Variants in RHCE observed in about 807,000 individuals in gnomAD.
RHCE encodes the protein blood group Rh(CE) polypeptide.
In RHCE, 22 loss-of-function variants were observed where a neutral mutation model predicts 43.8. That is an observed-to-expected ratio of 0.50 (90% CI 0.36 to 0.72). The LOEUF (loss-of-function observed/expected upper bound fraction) is 0.72. Among genes scored for constraint, RHCE ranks in the 30% least tolerant of loss-of-function variants. RHCE has a pLI of 0.00. For missense variants in RHCE, 385 were observed against 525.4 expected (o/e 0.73, Z 2.61); for synonymous variants, 156 against 210.7 (o/e 0.74, Z 2.25).
rs1224043671 is a variant in RHCE, at chr1:25,406,264, T to C, written c.335+2419A>G. Among the ~76,000 whole-genome samples, 1,018 of 121,314 alleles carry C rather than the reference T, an allele frequency of 8.4e-3. 117 individuals carry two copies. Among genetic ancestry groups the C allele is most frequent in the African/African-American group, 0.024 (958 of 39,338 alleles). 79.6% of individuals were successfully genotyped at this position (121,314 alleles called of 152,430 possible). ...GTGCGTGCGTGCGTGTGTGTGTGTG[T>C]GTGTGTGTGTGTATTGAATCCCGGT... On this transcript the variant is annotated intron_variant, in intron 2 of 9. Coordinates refer to ENST00000294413, the MANE Select transcript of RHCE (RefSeq NM_020485.8).
chr1:25,383,268 C>T (rs1177391698), intron 7 of RHCE, among the ~76,000 whole-genome samples: 2 of 152,238 alleles, frequency 1.3e-5, no homozygotes, highest in Admixed American at 6.5e-5. Context: ...GACTCAGTCA[C>T]ATATGCTCAT....
chr1:25,383,584 A>G (rs1054380949), intron 7 of RHCE, among the ~76,000 whole-genome samples: 2 of 152,184 alleles, frequency 1.3e-5, no homozygotes, highest in Non-Finnish European at 2.9e-5. Flanking sequence ...AGGCTGCATG[A>G]CTGGCTTCAC....
At chr1:25,392,279 C>G (rs1646396580) in intron 3 of RHCE, 138 bp from the exon 4 acceptor site, 3 of 1,394,464 alleles carry the variant, frequency 2.2e-6, no homozygotes, top group Non-Finnish European at 3.0e-6. Flanking sequence ...CAGAGCTTAC[C>G]CAGCCCAACC....
chr1:25,378,503 G>C (rs1332410602), intron 7 of RHCE, among the ~76,000 whole-genome samples: 5 of 152,270 alleles, frequency 3.3e-5, no homozygotes, highest in East Asian at 1.9e-4. Context: ...TTAGATTCTC[G>C]ATTTGTCTAT....
chr1:25,402,528 G>A (rs1025584391), intron 3 of RHCE, 68 bp downstream of exon 3: 123 of 1,611,260 alleles, frequency 7.6e-5, no homozygotes, highest in Non-Finnish European at 9.6e-5. Context: ...TCAAAACCCC[G>A]GAAGCCCCAC....
At chr1:25,374,479 T>G (rs1412417785) in intron 8 of RHCE, among the ~76,000 whole-genome samples, 2 of 151,752 alleles carry the variant, frequency 1.3e-5, no homozygotes, top group Non-Finnish European at 2.9e-5. Context: ...AACAGAAACA[T>G]ACTTTTCCCC....
intron 3 of RHCE, among the ~76,000 whole-genome samples, chr1:25,392,389 G>A (rs1440672829): frequency 6.6e-6 from 1 of 152,218 alleles, no homozygotes; most frequent in African/African-American, 2.4e-5. Context: ...AGCTTCCCTA[G>A]TAGCTGGGAT....
chr1:25,424,528 T>C (rs1384960246), upstream of RHCE, among the ~76,000 whole-genome samples: 3 of 151,022 alleles, frequency 2.0e-5, no homozygotes, highest in African/African-American at 7.3e-5. Context: ...GCTGGGATTA[T>C]AGGCACGCGA....
In RHCE at chr1:25,384,726, C is replaced by T. The variant is rs190478483; in HGVS notation, c.1073+985G>A. Among the ~76,000 whole-genome samples, 4 of 152,304 alleles carry T rather than the reference C, an allele frequency of 2.6e-5. No individual in the cohort carries two copies. In the East Asian group the frequency reaches 5.8e-4, roughly 22 times the overall value. ...GCGCCTCCATGATTTCTCTGAGACA[C>T]GTCCAAACACATCAGCTCCTCATCA... is the stretch of plus-strand genomic sequence containing the variant. On this transcript the variant is annotated intron_variant, in intron 7 of 9. Transcript: ENST00000294413.
chr1:25,388,840 G>A (rs590261), intron 6 of RHCE, 136 bp downstream of exon 6: 82 of 1,425,590 alleles, frequency 5.8e-5, no homozygotes, highest in African/African-American at 3.2e-4. Context: ...TGGATCCCTC[G>A]CTAGGCGTTG....
rs763135667 is a variant in RHCE, at chr1:25,385,757, A to G, written c.1027T>C (p.Tyr343His). 6.2e-7 allele frequency: 1 copy of G among 1,613,960 alleles called. No homozygotes were observed. The highest frequency in any genetic ancestry group is 1.7e-5 in the Admixed American group (1 of 59,994). ...SLLGLLGEIT[Y>H]IVLLVLHTVW... ...GTATGAAGCACCAGCAGCACAATGT[A>G]GGTGATCTCTCCAAGCAGACCCAGC... Residue 343 changes from tyrosine to histidine, a missense_variant, in exon 7 of 10, where the codon TAC (tyrosine) becomes CAC (histidine). Tyr to His is a moderately conservative substitution (Grantham distance 83). Transcript: ENST00000294413.
At chr1:25,413,074 C>T (rs3117050) in intron 1 of RHCE, among the ~76,000 whole-genome samples, 21 of 152,190 alleles carry the variant, frequency 1.4e-4, no homozygotes, top group East Asian at 7.7e-4. Context: ...GGGGCTTTAT[C>T]GGGCACAGCT....
At chr1:25,393,905 C>T (rs1486926035) in intron 3 of RHCE, among the ~76,000 whole-genome samples, 1 of 152,154 alleles carries the variant, frequency 6.6e-6, no homozygotes, top group Admixed American at 6.5e-5. Flanking sequence ...ACCCTGGGTG[C>T]AAGCAATCGG....
At chr1:25,379,508 T>A (rs1465790013) in intron 7 of RHCE, among the ~76,000 whole-genome samples, 163 of 90,986 alleles carry the variant, frequency 1.8e-3, no homozygotes, top group Middle Eastern at 5.3e-3. Flanking sequence ...TTTTTTTTTT[T>A]TTTTTTTTTT....
At chr1:25,396,853 C>T (rs1025167387) in intron 3 of RHCE, among the ~76,000 whole-genome samples, 1 of 151,874 alleles carries the variant, frequency 6.6e-6, no homozygotes, top group Non-Finnish European at 1.5e-5. Flanking sequence ...GTGGCCCACG[C>T]CTGTAATCTC....
exon 1 of RHCE, chr1:25,430,031 C>T (rs1054361655): frequency 6.6e-6 from 1 of 151,944 alleles, no homozygotes; most frequent in Non-Finnish European, 1.5e-5. Context: ...GGAGCCCGGA[C>T]CCGCCGAGCA....
chr1:25,416,368 A>G (rs1436275686), intron 1 of RHCE, among the ~76,000 whole-genome samples: 1 of 151,638 alleles, frequency 6.6e-6, no homozygotes, highest in Non-Finnish European at 1.5e-5. Flanking sequence ...GGTTCACGCC[A>G]TTCTCCTGCC....
chr1:25,385,672 G>C, intron 7 of RHCE, 39 bp downstream of exon 7: 1 of 1,613,880 alleles, frequency 6.2e-7, no homozygotes, highest in Non-Finnish European at 8.5e-7. Context: ...GAGTTGGAGG[G>C]GAGTGTTAAG....
chr1:25,371,868 G>A (rs1449028837), intron 8 of RHCE, among the ~76,000 whole-genome samples: 2 of 151,388 alleles, frequency 1.3e-5, no homozygotes, highest in African/African-American at 4.9e-5. Flanking sequence ...ATGGGTGAGT[G>A]CTTAGTGAGA....
Sources: gnomAD v4.1 joint callset for allele counts (sites outside exome capture counted in the v4.1 genomes callset) on GRCh38, gnomAD v4.1.1 for gene constraint, MANE v1.5 for transcripts, NCBI Gene and HGNC (gene_info 2026-07-23, HGNC 2026-07-21) for gene names.